The following SEMA3E variants were observed in gnomAD, a reference collection of about 807,000 sequenced individuals.
SEMA3E encodes the protein semaphorin 3E.
Under a neutral mutation model 93.6 loss-of-function variants are expected in SEMA3E, and 49 were observed. The observed-to-expected ratio is 0.52, with a 90% CI of 0.42 to 0.66. SEMA3E has a LOEUF of 0.66. SEMA3E is among the 30% of genes least tolerant of loss of function. The pLI, the probability that SEMA3E is intolerant of heterozygous loss-of-function variation, is 0.00. For missense variants in SEMA3E, 906 were observed against 964.8 expected (o/e 0.94, Z 0.81); for synonymous variants, 363 against 330.7 (o/e 1.10, Z -1.06).
In SEMA3E at chr7:83,554,729, C is replaced by T. The variant is rs1038935643; in HGVS notation, c.116-64455G>A. ...CGGTGGCTCACTACTGTAATCCCAG[C>T]ACTTTGGGAGGCCGAGGTGGGCAGA... On this transcript the variant is annotated intron_variant, in intron 1 of 16. Coordinates refer to ENST00000643230, the MANE Select transcript of SEMA3E (RefSeq NM_012431.3). Among the ~76,000 whole-genome samples, 4 of 152,142 alleles carry T rather than the reference C, an allele frequency of 2.6e-5. No homozygotes were observed. The South Asian group carries it at 8.3e-4, about 31-fold the overall frequency.
intron 2 of SEMA3E, among the ~76,000 whole-genome samples, chr7:83,487,840 G>T (rs568245026): frequency 4.6e-5 from 7 of 151,786 alleles, no homozygotes; most frequent in Non-Finnish European, 7.4e-5. Context: ...AGGGTGAAAT[G>T]CAATATTTGC....
intron 4 of SEMA3E, among the ~76,000 whole-genome samples, chr7:83,464,780 T>C (rs938793384): frequency 2.9e-5 from 4 of 137,752 alleles, no homozygotes; most frequent in Non-Finnish European, 6.3e-5. Context: ...TCCAGCTTAA[T>C]CTCTCCCACT....
At chr7:83,605,284 C>T (rs1318250434) in intron 1 of SEMA3E, among the ~76,000 whole-genome samples, 2 of 152,114 alleles carry the variant, frequency 1.3e-5, no homozygotes, top group Admixed American at 1.3e-4. Flanking sequence ...CACAGACTTG[C>T]CGGTATCTAT....
At chr7:83,436,985 C>A (rs535859652) in intron 4 of SEMA3E, among the ~76,000 whole-genome samples, 10 of 152,146 alleles carry the variant, frequency 6.6e-5, no homozygotes, top group Admixed American at 2.6e-4. Flanking sequence ...TGGCAGCAAG[C>A]AAAGAGAGCT....
At chr7:83,378,669 T>A (rs1391143997) in intron 16 of SEMA3E, among the ~76,000 whole-genome samples, 1 of 152,042 alleles carries the variant, frequency 6.6e-6, no homozygotes, top group African/African-American at 2.4e-5. Context: ...TATTGTTTAA[T>A]ATATCTTATC....
intron 11 of SEMA3E, 30 bp downstream of exon 11, chr7:83,399,998 A>G (rs755096216): frequency 1.5e-5 from 22 of 1,491,472 alleles, no homozygotes; most frequent in Admixed American, 3.3e-5. Flanking sequence ...GTCAATTTAA[A>G]TATCTCTGAG....
chr7:83,506,569 A>C (rs180842930), intron 1 of SEMA3E, among the ~76,000 whole-genome samples: 15 of 152,304 alleles, frequency 9.8e-5, no homozygotes, highest in African/African-American at 2.9e-4. Context: ...GGTTAAAAAA[A>C]CATAAGGGGC....
chr7:83,430,421 C>A (rs544585791), intron 4 of SEMA3E, among the ~76,000 whole-genome samples: 1 of 151,778 alleles, frequency 6.6e-6, no homozygotes, highest in African/African-American at 2.4e-5. Context: ...GCCAAAATCC[C>A]GCCACTGCAC....
intron 1 of SEMA3E, among the ~76,000 whole-genome samples, chr7:83,639,066 C>G (rs902449798): frequency 1.6e-4 from 22 of 138,348 alleles, no homozygotes; most frequent in African/African-American, 5.2e-4. Flanking sequence ...AGCCGAGATC[C>G]CGCCACTGCA....
chr7:83,502,682 C>T (rs989351976), intron 1 of SEMA3E, among the ~76,000 whole-genome samples: 1 of 152,178 alleles, frequency 6.6e-6, no homozygotes, highest in Non-Finnish European at 1.5e-5. Flanking sequence ...TCCTGTATTG[C>T]ATGAATGCTA....
At chr7:83,506,015 CAAAA>C (rs57051446) in intron 1 of SEMA3E, among the ~76,000 whole-genome samples, 97 of 87,416 alleles carry the variant, frequency 1.1e-3, no homozygotes, top group African/African-American at 3.9e-3. Flanking sequence ...ACTCCGTCTC[CAAAA>C]AAAAAAAAAA....
chr7:83,450,534 A>C (rs2723020), intron 4 of SEMA3E, among the ~76,000 whole-genome samples: 3 of 151,948 alleles, frequency 2.0e-5, no homozygotes, highest in African/African-American at 7.3e-5. Context: ...TCCATTACAT[A>C]AAATTCTAAA....
intron 1 of SEMA3E, among the ~76,000 whole-genome samples, chr7:83,637,752 C>T (rs937394680): frequency 6.6e-6 from 1 of 150,966 alleles, no homozygotes; most frequent in Non-Finnish European, 1.5e-5. Context: ...GTCAATTAAA[C>T]CTCTTTCCTT....
intron 15 of SEMA3E, among the ~76,000 whole-genome samples, chr7:83,386,247 A>C (rs1787876917): frequency 1.3e-5 from 2 of 152,050 alleles, no homozygotes; most frequent in Non-Finnish European, 2.9e-5. Context: ...TCTGGGGTCC[A>C]ACAAATTGAT....
intron 5 of SEMA3E, among the ~76,000 whole-genome samples, chr7:83,413,923 G>A (rs1398448380): frequency 6.6e-6 from 1 of 151,980 alleles, no homozygotes; most frequent in Non-Finnish European, 1.5e-5. Context: ...TGAAGAGTGG[G>A]GCTTTTTTCT....
At chr7:83,516,502 T>A (rs1345226118) in intron 1 of SEMA3E, among the ~76,000 whole-genome samples, 1 of 152,182 alleles carries the variant, frequency 6.6e-6, no homozygotes. Flanking sequence ...AGAATGTAAA[T>A]AATACTTAGC....
At chr7:83,616,877 A>T (rs1393104823) in intron 1 of SEMA3E, among the ~76,000 whole-genome samples, 1 of 151,916 alleles carries the variant, frequency 6.6e-6, no homozygotes. Flanking sequence ...GGAGCCTGCC[A>T]CCACACCTGG....
intron 10 of SEMA3E, among the ~76,000 whole-genome samples, chr7:83,401,344 G>C (rs915788651): frequency 6.6e-6 from 1 of 152,046 alleles, no homozygotes; most frequent in African/African-American, 2.4e-5. Flanking sequence ...TTAGTAATCA[G>C]ATTCCACAAA....
chr7:83,367,680 G>T lies in SEMA3E; in HGVS notation c.2234C>A (p.Ser745Ter). Reference sequence around the variant, plus strand: ...GTTGGCATACTTCCACTTGGAGGGTGACATTTTAAGCTTTTTCCTCTTTCT... The same window carrying T: ...GTTGGCATACTTCCACTTGGAGGGTTACATTTTAAGCTTTTTCCTCTTTCT... ...TDRKRKKLKM[S>*]PSKWKYANPQ... The change falls in exon 17 of 17, where the codon TCA (serine) becomes TAA (stop). Residue 745 changes from serine to a stop codon, truncating the protein, a stop_gained. Transcript: ENST00000643230. LOFTEE classifies it high-confidence loss of function. 6.2e-7 allele frequency: 1 copy of T among 1,614,112 alleles called. No individual in the cohort carries two copies. Among genetic ancestry groups the T allele is most frequent in the Non-Finnish European group, 8.5e-7 (1 of 1,180,032 alleles).
Sources: gnomAD v4.1 joint callset for allele counts (sites outside exome capture counted in the v4.1 genomes callset) on GRCh38, gnomAD v4.1.1 for gene constraint, MANE v1.5 for transcripts, NCBI Gene and HGNC (gene_info 2026-07-23, HGNC 2026-07-21) for gene names.